Variants in TSEN15 observed in about 807,000 individuals in gnomAD.
The protein encoded by TSEN15 is tRNA splicing endonuclease subunit 15, also known as tRNA-splicing endonuclease subunit Sen15.
TSEN15 carries 10 observed loss-of-function variants against 20.5 expected under a neutral mutation model. The observed-to-expected ratio is 0.49, with a 90% CI of 0.30 to 0.83. TSEN15 has a LOEUF of 0.83. Among genes scored for constraint, TSEN15 ranks in the 40% least tolerant of loss-of-function variants. TSEN15 has a pLI of 0.06. For missense variants in TSEN15, 180 were observed against 218.6 expected, an observed-to-expected ratio of 0.82 and a Z score of 1.11; for synonymous variants, 72 against 80.1, an observed-to-expected ratio of 0.90 and a Z score of 0.54.
chr1:184,062,017 T>C (rs931485200), intron 3 of TSEN15, among the ~76,000 whole-genome samples: 17 of 152,280 alleles, frequency 1.1e-4, no homozygotes, highest in African/African-American at 4.1e-4. Context: ...GAAGGTCTTG[T>C]GTGTAATAGT....
At position 184,072,998 on chromosome 1, in the gene TSEN15, C is replaced by A; in HGVS notation, c.*151C>A. ...AAGGTTTTCATTCTGAAGAGTAAAA[C>A]TTCCCCAGGTAGAAGACTTTCTCCT... On this transcript the variant is annotated 3_prime_UTR_variant, in exon 5 of 5. Transcript: ENST00000645668. 1 of 692,684 alleles carries A rather than the reference C, an allele frequency of 1.4e-6. No individual in the cohort carries two copies. Among genetic ancestry groups the A allele is most frequent in the Non-Finnish European group, 2.4e-6 (1 of 417,824 alleles). 42.9% of individuals were successfully genotyped at this position (692,684 alleles called of 1,614,324 possible). A position where few individuals can be genotyped will look rare whatever the true frequency, so the allele number is the denominator to read the frequency against.
Position 184,072,288 on chromosome 1 carries a change from CA to C in TSEN15, c.486del (p.Asp163ThrfsTer15). The C allele has an allele frequency of 1.9e-6, 3 of 1,607,256 alleles. No homozygotes were observed. Among genetic ancestry groups the C allele is most frequent in the Non-Finnish European group, 2.5e-6 (3 of 1,177,164 alleles). The part of the protein sequence containing the change: ...YYKLTDGFML[P>X]DPQNISLRR ...AAACTTACTGATGGATTTATGCTGC[CA>C]GACCCTCAGGTCAGTTTTGAGGTAA... On this transcript the variant is annotated frameshift_variant, in exon 4 of 5. Transcript: ENST00000645668. LOFTEE classifies it high-confidence loss of function.
intron 3 of TSEN15, among the ~76,000 whole-genome samples, chr1:184,069,774 A>C (rs551081227): frequency 1.3e-5 from 2 of 152,164 alleles, no homozygotes; most frequent in South Asian, 4.1e-4. Context: ...GTTGAGGAAA[A>C]GATGATGGCT....
chr1:184,087,861 G>T (rs1333619737), intron 3 of TSEN15, among the ~76,000 whole-genome samples: 2 of 152,166 alleles, frequency 1.3e-5, no homozygotes, highest in Non-Finnish European at 2.9e-5. Context: ...ACTTTGCGGG[G>T]ATAACAAGGT....
intron 3 of TSEN15, among the ~76,000 whole-genome samples, chr1:184,060,585 C>T (rs1650417234): frequency 6.6e-6 from 1 of 152,344 alleles, no homozygotes. Context: ...GAGAATGTTA[C>T]AGAATTTCAA....
At chr1:184,082,749 C>T (rs981887040) in intron 3 of TSEN15, among the ~76,000 whole-genome samples, 15 of 152,128 alleles carry the variant, frequency 9.9e-5, no homozygotes, top group Admixed American at 7.9e-4. Context: ...AAACTGATGC[C>T]GACCATTTCC....
At chr1:184,062,344 A>G (rs1033884349) in intron 3 of TSEN15, among the ~76,000 whole-genome samples, 2 of 152,154 alleles carry the variant, frequency 1.3e-5, no homozygotes, top group African/African-American at 4.8e-5. Context: ...CTGTAGAGGT[A>G]CAGTTTGCTC....
chr1:184,075,752 T>C (rs939658715), downstream of TSEN15, among the ~76,000 whole-genome samples: 3 of 152,070 alleles, frequency 2.0e-5, no homozygotes, highest in African/African-American at 7.2e-5. Flanking sequence ...TTTTACGTAC[T>C]CACATCCCCT....
At chr1:184,069,397 C>T (rs895499697) in intron 3 of TSEN15, among the ~76,000 whole-genome samples, 1 of 151,962 alleles carries the variant, frequency 6.6e-6, no homozygotes, top group Non-Finnish European at 1.5e-5. Context: ...AGAATTTTAT[C>T]GTTTATTGTT....
At chr1:184,064,147 G>T (rs1001571945) in intron 3 of TSEN15, among the ~76,000 whole-genome samples, 1 of 152,072 alleles carries the variant, frequency 6.6e-6, no homozygotes, top group Non-Finnish European at 1.5e-5. Context: ...TGTGATAAAC[G>T]TAATGACAGA....
chr1:184,089,734 A>AT (rs1296742037), intron 3 of TSEN15, among the ~76,000 whole-genome samples: 1 of 152,116 alleles, frequency 6.6e-6, no homozygotes, highest in Non-Finnish European at 1.5e-5. Flanking sequence ...TTAAAAAAAA[A>AT]ATCAAATGCA....
chr1:184,091,475 A>G (rs939618530), intron 3 of TSEN15, among the ~76,000 whole-genome samples: 1 of 152,104 alleles, frequency 6.6e-6, no homozygotes, highest in South Asian at 2.1e-4. Context: ...TAGTTAGTGT[A>G]TACAATTTGC....
intron 3 of TSEN15, chr1:184,055,094 G>A: frequency 2.3e-6 from 1 of 436,368 alleles, no homozygotes; most frequent in Non-Finnish European, 4.0e-6. Flanking sequence ...AGGTTTAAGT[G>A]GCTCATAGTT....
rs114324424 is a variant in TSEN15 at position 184,055,144 on chromosome 1, G to A, written c.353+281G>A. The A allele has an allele frequency of 0.011, 2,798 of 256,266 alleles. 28 individuals are homozygous for A. The highest frequency in any genetic ancestry group is 0.02 in the Middle Eastern group (16 of 810). 15.9% of individuals were successfully genotyped at this position (256,266 alleles called of 1,614,324 possible). The stretch of plus-strand genomic sequence containing the variant: ...GTAAGCATGGTGCTGGCATCTACTC[G>A]GCTTCTAGGGAGGCCTCAGGAAGCT... On this transcript the variant is annotated intron_variant, in intron 3 of 4. Coordinates refer to ENST00000645668, the MANE Select transcript of TSEN15 (RefSeq NM_052965.4).
At chr1:184,062,347 G>C (rs570817701) in intron 3 of TSEN15, among the ~76,000 whole-genome samples, 1 of 152,228 alleles carries the variant, frequency 6.6e-6, no homozygotes, top group Non-Finnish European at 1.5e-5. Flanking sequence ...TAGAGGTACA[G>C]TTTGCTCAGA....
At chr1:184,095,609 G>C (rs1485488098) in intron 3 of TSEN15, 2 of 395,374 alleles carry the variant, frequency 5.1e-6, no homozygotes, top group Non-Finnish European at 8.9e-6. Context: ...CAGGATACCA[G>C]AGATCTCTAT....
intron 3 of TSEN15, 43 bp from the exon 4 acceptor site, chr1:184,072,114 T>G: frequency 6.3e-7 from 1 of 1,596,588 alleles, no homozygotes. Flanking sequence ...CTCATCTAAT[T>G]GAGTGACCGC....
chr1:184,067,941 A>AAAATAT (rs1400681024), intron 3 of TSEN15, among the ~76,000 whole-genome samples: 49 of 95,570 alleles, frequency 5.1e-4, no homozygotes, highest in East Asian at 2.9e-3. Flanking sequence ...AAAAAAAAAA[A>AAAATAT]ATATATATAT....
chr1:184,055,505 A>G (rs1017922202), intron 3 of TSEN15, among the ~76,000 whole-genome samples: 3 of 152,208 alleles, frequency 2.0e-5, no homozygotes, highest in Non-Finnish European at 4.4e-5. Flanking sequence ...TGGTAGAAAT[A>G]TTTATATTCT....
Sources: gnomAD v4.1 joint callset for allele counts (sites outside exome capture counted in the v4.1 genomes callset) on GRCh38, gnomAD v4.1.1 for gene constraint, MANE v1.5 for transcripts, NCBI Gene and HGNC (gene_info 2026-07-23, HGNC 2026-07-21) for gene names.